KCNJ16: variants seen among roughly 807,000 people sequenced by gnomAD.
KCNJ16 encodes potassium inwardly rectifying channel subfamily J member 16.
KCNJ16 carries 15 observed loss-of-function variants against 18.5 expected under a neutral mutation model. The ratio of observed to expected loss-of-function variants is 0.81; its 90% confidence interval spans 0.54 to 1.25. The LOEUF (loss-of-function observed/expected upper bound fraction) is 1.25. KCNJ16 is among the 50% of genes most tolerant of loss of function. The pLI, the probability that KCNJ16 is intolerant of heterozygous loss-of-function variation, is 0.00. For synonymous variants in KCNJ16, 174 were observed against 186.5 expected (o/e 0.93, Z 0.55); for missense variants, 523 against 525.7 (o/e 0.99, Z 0.05).
intron 2 of KCNJ16, among the ~76,000 whole-genome samples, chr17:70,125,682 G>A (rs1021620905): frequency 6.6e-6 from 1 of 152,164 alleles, no homozygotes; most frequent in Admixed American, 6.5e-5. Flanking sequence ...TGTAATCCCA[G>A]CACTTTGGGA....
chr17:70,122,960 C>T (rs769239733), intron 2 of KCNJ16, among the ~76,000 whole-genome samples: 40 of 152,198 alleles, frequency 2.6e-4, no homozygotes, highest in Non-Finnish European at 5.3e-4. Context: ...CAGTCATGAT[C>T]ATCTCTTACC....
At chr17:70,091,940 T>C (rs898342548) in intron 1 of KCNJ16, among the ~76,000 whole-genome samples, 1 of 152,146 alleles carries the variant, frequency 6.6e-6, no homozygotes, top group Admixed American at 6.6e-5. Flanking sequence ...TTTATTGGGT[T>C]GGAGGGGGGT....
chr17:70,116,645 T>A (rs1195517406), intron 2 of KCNJ16, among the ~76,000 whole-genome samples: 7 of 152,218 alleles, frequency 4.6e-5, no homozygotes, highest in African/African-American at 1.7e-4. Context: ...TAAACACTTT[T>A]ACACAAACAG....
intron 2 of KCNJ16, among the ~76,000 whole-genome samples, chr17:70,125,575 C>A (rs1475877590): frequency 6.6e-6 from 1 of 152,068 alleles, no homozygotes; most frequent in Non-Finnish European, 1.5e-5. Flanking sequence ...GTTCTTGGAT[C>A]TTGCGCAAGA....
chr17:70,092,566 T>TATAGATAGATAG (rs71149816), intron 1 of KCNJ16, among the ~76,000 whole-genome samples: 246 of 102,676 alleles, frequency 2.4e-3, no homozygotes, highest in South Asian at 4.5e-3. Context: ...AGATGATAGA[T>TATAGATAGATAG]ATAGATAGAT....
intron 2 of KCNJ16, among the ~76,000 whole-genome samples, chr17:70,102,558 A>G (rs2072694390): frequency 6.6e-6 from 1 of 152,140 alleles, no homozygotes; most frequent in African/African-American, 2.4e-5. Flanking sequence ...ATGACACACA[A>G]GAGTAATTGC....
chr17:70,113,827 G>A (rs1456147036), intron 2 of KCNJ16, among the ~76,000 whole-genome samples: 1 of 152,008 alleles, frequency 6.6e-6, no homozygotes, highest in African/African-American at 2.4e-5. Context: ...GTGATTGGAA[G>A]AGAAAGTATT....
intron 2 of KCNJ16, among the ~76,000 whole-genome samples, chr17:70,114,235 G>C (rs1274192621): frequency 6.6e-6 from 1 of 152,114 alleles, no homozygotes; most frequent in Non-Finnish European, 1.5e-5. Flanking sequence ...ACACTATCCA[G>C]GGAGTTTCTG....
chr17:70,110,074 G>C (rs181915175), intron 2 of KCNJ16, among the ~76,000 whole-genome samples: 1 of 152,136 alleles, frequency 6.6e-6, no homozygotes, highest in Non-Finnish European at 1.5e-5. Context: ...CTCCAGACAC[G>C]AAGATGGAAA....
chr17:70,090,988 CCTCCACTTCTCTTATATGA>C (rs912300292), intron 1 of KCNJ16, among the ~76,000 whole-genome samples: 8 of 47,364 alleles, frequency 1.7e-4, no homozygotes. Context: ...GCCTTCTCTG[CCTCCACTTCTCTTATATGA>C]CTCCAGCCTT....
intron 3 of KCNJ16, chr17:70,131,607 A>G (rs535760330): frequency 2.6e-6 from 1 of 384,698 alleles, no homozygotes; most frequent in South Asian, 8.2e-5. Context: ...TATGACTGCT[A>G]GACACATATC....
intron 2 of KCNJ16, among the ~76,000 whole-genome samples, chr17:70,114,845 T>C (rs2073339932): frequency 6.6e-6 from 1 of 152,190 alleles, no homozygotes; most frequent in African/African-American, 2.4e-5. Flanking sequence ...CTACATAAGA[T>C]AATTCCACTT....
intron 1 of KCNJ16, among the ~76,000 whole-genome samples, chr17:70,077,675 T>G (rs764476086): frequency 3.7e-3 from 11 of 2,936 alleles, no homozygotes; most frequent in African/African-American, 0.013. Context: ...TTAGGCTGTG[T>G]TTTTTTTTTT....
intron 2 of KCNJ16, among the ~76,000 whole-genome samples, chr17:70,121,497 G>T (rs1410722608): frequency 6.6e-6 from 1 of 152,116 alleles, no homozygotes; most frequent in African/African-American, 2.4e-5. Flanking sequence ...ACGGTGAGAA[G>T]AGTAGTAGGA....
chr17:70,078,341 C>T (rs1245583476), intron 1 of KCNJ16, among the ~76,000 whole-genome samples: 1 of 100,926 alleles, frequency 9.9e-6, no homozygotes, highest in East Asian at 3.5e-4. Flanking sequence ...TAGATTTATC[C>T]AACAACTCCG....
At chr17:70,117,947 G>A (rs995774122) in intron 2 of KCNJ16, among the ~76,000 whole-genome samples, 1 of 152,124 alleles carries the variant, frequency 6.6e-6, no homozygotes, top group Non-Finnish European at 1.5e-5. Context: ...AATATTTAAG[G>A]TAGTAAATAT....
Position 70,133,430 on chromosome 17 carries a change from T to A in KCNJ16, c.*86T>A. 9.1e-7 allele frequency: 1 copy of A among 1,102,434 alleles called. No individual in the cohort carries two copies. Among genetic ancestry groups the A allele is most frequent in the South Asian group, 1.6e-5 (1 of 64,502 alleles). The allele number at this position is 1,102,434 out of a possible 1,614,324, so 68.3% of individuals were successfully genotyped here. A position where few individuals can be genotyped will look rare whatever the true frequency, so the allele number is the denominator to read the frequency against. ...GTTGTAAACGTGGCTTTTTTGAAAGTGTTATGGCTATGTTTTATGATGATG... is the reference window on the plus strand; with the variant it reads ...GTTGTAAACGTGGCTTTTTTGAAAGAGTTATGGCTATGTTTTATGATGATG... On this transcript the variant is annotated 3_prime_UTR_variant, in exon 4 of 4. Coordinates refer to ENST00000392671, the MANE Select transcript of KCNJ16 (RefSeq NM_170741.4).
intron 2 of KCNJ16, among the ~76,000 whole-genome samples, chr17:70,125,579 C>A (rs1052423533): frequency 6.6e-6 from 1 of 151,974 alleles, no homozygotes; most frequent in Non-Finnish European, 1.5e-5. Context: ...TTGGATCTTG[C>A]GCAAGAAAGA....
In KCNJ16 at chr17:70,132,489, T is replaced by C; in HGVS notation, c.402T>C (p.Tyr134=). 3.7e-6 allele frequency: 6 copies of C among 1,614,196 alleles called. No individual in the cohort carries two copies. Among genetic ancestry groups the C allele is most frequent in the South Asian group, 1.1e-5 (1 of 91,090 alleles). ...TAGAGACCCAAACCACCATAGGATA[T>C]GGTTATCGCTGTGTTACTGAAGAAT... ...FSLETQTTIG[Y]GYRCVTEECS... is the part of the protein sequence containing the mutation. Residue 134 remains tyrosine, a synonymous_variant, in exon 4 of 4, where the codon TAT becomes TAC. Transcript: ENST00000392671.
Sources: allele counts gnomAD v4.1 joint callset (sites outside exome capture counted in the v4.1 genomes callset), GRCh38; gene constraint gnomAD v4.1.1; transcripts MANE v1.5; gene names NCBI Gene and HGNC (gene_info 2026-07-23, HGNC 2026-07-21).